The following PCDH11X variants were observed in gnomAD, a reference collection of about 807,000 sequenced individuals.
The protein encoded by PCDH11X is protocadherin 11 X-linked.
PCDH11X carries 18 observed loss-of-function variants against 53.3 expected under a neutral mutation model. The observed-to-expected ratio is 0.34, with a 90% confidence interval of 0.23 to 0.50. The LOEUF is 0.50. Ranked by LOEUF, PCDH11X falls within the 20% of genes least tolerant of loss-of-function variation. The probability of loss-of-function intolerance (pLI) is 0.98; values close to 1 mark genes in which losing one functional copy is unlikely to be tolerated. For synonymous variants in PCDH11X, 279 were observed against 393.3 expected (o/e 0.71, Z 3.44); for missense variants, 570 against 1,032.4 (o/e 0.55, Z 6.14).
intron 6 of PCDH11X, chrX:91,882,893 T>A (rs1939978984): frequency 8.4e-7 from 1 of 1,183,798 alleles, no homozygotes; most frequent in Non-Finnish European, 1.1e-6. Context: ...AACGTGTTAT[T>A]TTTCTTGTCC....
chrX:92,105,443 G>A (rs2064358284), intron 6 of PCDH11X, among the ~76,000 whole-genome samples: 1 of 110,071 alleles, frequency 9.1e-6, no homozygotes, highest in African/African-American at 3.3e-5. Flanking sequence ...AATTTCATGC[G>A]CGTCCGTGTG....
chrX:92,358,752 T>G (rs2070276173), intron 8 of PCDH11X, among the ~76,000 whole-genome samples: 1 of 104,573 alleles, frequency 9.6e-6, no homozygotes, highest in Admixed American at 1.1e-4. Flanking sequence ...CAATAATATT[T>G]TATTCCACCT....
chrX:91,994,514 G>T (rs1435265293), intron 6 of PCDH11X, among the ~76,000 whole-genome samples: 1 of 92,946 alleles, frequency 1.1e-5, no homozygotes, highest in Non-Finnish European at 2.1e-5. Flanking sequence ...ATATTCCATT[G>T]TATATATACA....
At chrX:92,464,560 T>C (rs1162852970) in intron 9 of PCDH11X, among the ~76,000 whole-genome samples, 1 of 110,942 alleles carries the variant, frequency 9.0e-6, no homozygotes, top group Non-Finnish European at 1.9e-5. Flanking sequence ...CTCTTTCCTT[T>C]ATAAATTACC....
chrX:92,071,611 A>G (rs2063703020), intron 6 of PCDH11X, among the ~76,000 whole-genome samples: 1 of 110,491 alleles, frequency 9.1e-6, no homozygotes. Context: ...TATAGGGAAG[A>G]CTTTCTAGGA....
At chrX:92,280,794 A>T (rs928461395) in intron 8 of PCDH11X, among the ~76,000 whole-genome samples, 4 of 110,379 alleles carry the variant, frequency 3.6e-5, no homozygotes, top group South Asian at 7.5e-4. Context: ...TTTTTTTTAA[A>T]AAAAAATTGA....
chrX:92,604,510 G>A (rs982583515), intron 10 of PCDH11X, among the ~76,000 whole-genome samples: 2 of 110,825 alleles, frequency 1.8e-5, no homozygotes, highest in African/African-American at 6.6e-5. Flanking sequence ...TATTACACTA[G>A]AATGTATTCA....
rs1319652507 is a variant in PCDH11X, at chrX:91,927,255, G to A, written c.3033+47982G>A. On this transcript the variant is annotated intron_variant, in intron 6 of 10. Transcript: ENST00000682573. ...TAGTGAAAATGTAGTCAATATGATC[G>A]CAAGTTTTCATCATCAGCAGTTACG... 3.7e-5 allele frequency among the ~76,000 whole-genome samples: 4 copies of A among 109,414 alleles called. No homozygotes were observed. The East Asian group carries it at 8.7e-4, about 24-fold the overall frequency.
intron 1 of PCDH11X, among the ~76,000 whole-genome samples, chrX:91,797,604 A>C (rs1220948278): frequency 1.8e-5 from 2 of 111,021 alleles, no homozygotes; most frequent in Non-Finnish European, 1.9e-5. Context: ...GTAAAGGGAG[A>C]ATTGAGTTTA....
chrX:92,060,210 T>G (rs1372934424), intron 6 of PCDH11X, among the ~76,000 whole-genome samples: 2 of 104,808 alleles, frequency 1.9e-5, no homozygotes, highest in Non-Finnish European at 3.9e-5. Context: ...GTTCTGTGTG[T>G]CATAAATGTA....
chrX:92,358,501 T>C (rs2070266163), intron 8 of PCDH11X, among the ~76,000 whole-genome samples: 1 of 65,676 alleles, frequency 1.5e-5, no homozygotes, highest in African/African-American at 5.6e-5. Flanking sequence ...AAAAATGTTA[T>C]AATATTTCTG....
chrX:92,405,756 C>T (rs1162756145), intron 9 of PCDH11X, among the ~76,000 whole-genome samples: 2 of 109,246 alleles, frequency 1.8e-5, no homozygotes, highest in African/African-American at 3.3e-5. Context: ...CAGCACCTCT[C>T]TTCACTGCTC....
At chrX:91,802,617 T>G (rs919920056) in intron 1 of PCDH11X, among the ~76,000 whole-genome samples, 21 of 111,901 alleles carry the variant, frequency 1.9e-4, no homozygotes, top group Non-Finnish European at 3.8e-4. Flanking sequence ...TCTTTACTTA[T>G]TGATGTAGTG....
rs779210526 is a variant in PCDH11X, at chrX:91,914,645, G to T, written c.3033+35372G>T. On this transcript the variant is annotated intron_variant, in intron 6 of 10. Coordinates refer to ENST00000682573, the MANE Select transcript of PCDH11X (RefSeq NM_032968.5). ...CAACAGTAGCATAGAACACGTAGAA[G>T]AAATAACTTTAGAGTTCAATGAAAA... 3.8e-3 allele frequency among the ~76,000 whole-genome samples: 421 copies of T among 111,319 alleles called. 2 individuals carry two copies. Among genetic ancestry groups the T allele is most frequent in the African/African-American group, 0.013 (393 of 30,661 alleles).
At chrX:92,531,664 T>C (rs2074557500) in intron 10 of PCDH11X, among the ~76,000 whole-genome samples, 1 of 108,579 alleles carries the variant, frequency 9.2e-6, no homozygotes, top group Admixed American at 1.0e-4. Context: ...ATGAAAAATA[T>C]TAATATTAAG....
intron 6 of PCDH11X, among the ~76,000 whole-genome samples, chrX:91,917,513 T>C (rs2524612): frequency 0.31 from 17,007 of 55,693 alleles, 2,619 homozygotes; most frequent in East Asian, 0.43. Context: ...TGCTATACTC[T>C]AACAACAGCC....
At chrX:92,586,964 T>C (rs1460677275) in intron 10 of PCDH11X, among the ~76,000 whole-genome samples, 2 of 105,049 alleles carry the variant, frequency 1.9e-5, no homozygotes, top group African/African-American at 6.8e-5. Flanking sequence ...AATGATGAAC[T>C]CTACACAGAA....
At chrX:92,561,319 C>T (rs112811680) in intron 10 of PCDH11X, among the ~76,000 whole-genome samples, 1,640 of 106,252 alleles carry the variant, frequency 0.015, 40 homozygotes, top group African/African-American at 0.052. Context: ...GCACTGGGGA[C>T]CAATCCTAGA....
chrX:92,011,577 C>A (rs2062692404), intron 6 of PCDH11X, among the ~76,000 whole-genome samples: 1 of 111,618 alleles, frequency 9.0e-6, no homozygotes. Context: ...GAATATAATA[C>A]AAGAAGTATA....
Sources: gnomAD v4.1 joint callset for allele counts (sites outside exome capture counted in the v4.1 genomes callset) on GRCh38, gnomAD v4.1.1 for gene constraint, MANE v1.5 for transcripts, NCBI Gene and HGNC (gene_info 2026-07-23, HGNC 2026-07-21) for gene names.